SGTB: variants seen among roughly 807,000 people sequenced by gnomAD.
The protein encoded by SGTB is small glutamine-rich tetratricopeptide repeat-containing protein beta.
Under a neutral mutation model 43.9 loss-of-function variants are expected in SGTB, and 19 were observed. The observed-to-expected ratio is 0.43, with a 90% CI of 0.30 to 0.63. The LOEUF is 0.63. Among genes scored for constraint, SGTB ranks in the 30% least tolerant of loss-of-function variants. The pLI, the probability that SGTB is intolerant of heterozygous loss-of-function variation, is 0.12. For synonymous variants in SGTB, 116 were observed against 117.3 expected (o/e 0.99, Z 0.07); for missense variants, 304 against 358.9 (o/e 0.85, Z 1.24).
At chr5:65,672,453 A>T (rs1307814424) in intron 8 of SGTB, among the ~76,000 whole-genome samples, 172 bp from the exon 9 acceptor site, 3 of 152,198 alleles carry the variant, frequency 2.0e-5, no homozygotes, top group Non-Finnish European at 2.9e-5. Flanking sequence ...AGGTACTAGA[A>T]AAAGTGGCAT....
Position 65,713,061 on chromosome 5 carries a change from G to A in SGTB, c.104C>T (p.Ala35Val). The A allele has an allele frequency of 6.2e-7, 1 of 1,601,328 alleles. No homozygotes were observed. Among genetic ancestry groups the A allele is most frequent in the African/African-American group, 1.3e-5 (1 of 74,316 alleles). ...AAAAACTGTCTCCAAGCACTGAATT[G>A]CAACTTGAAATAAATTTTAATAGTA... is the stretch of plus-strand genomic sequence containing the variant. ...TSDEQESLEVAIQCLETVFKI... is the reference protein window; with the variant it reads ...TSDEQESLEVVIQCLETVFKI... The change falls in exon 3 of 11, where the codon GCA becomes GTA. Residue 35 changes from alanine to valine, a missense_variant. Ala to Val is a moderately conservative substitution (Grantham distance 64, BLOSUM62 0). Transcript: ENST00000381007.
At chr5:65,712,740 A>G (rs1302636345) in intron 3 of SGTB, among the ~76,000 whole-genome samples, 1 of 152,248 alleles carries the variant, frequency 6.6e-6, no homozygotes, top group Non-Finnish European at 1.5e-5. Flanking sequence ...ACCATTAAAT[A>G]TAAAAGGTGA....
chr5:65,707,431 CACACAT>C (rs1241849002), intron 4 of SGTB, among the ~76,000 whole-genome samples: 31 of 147,536 alleles, frequency 2.1e-4, no homozygotes, highest in Admixed American at 1.4e-3. Context: ...CACACACACA[CACACAT>C]ATATTTTTTT....
At chr5:65,697,130 A>T (rs1579871238) in intron 5 of SGTB, among the ~76,000 whole-genome samples, 1 of 152,200 alleles carries the variant, frequency 6.6e-6, no homozygotes, top group Admixed American at 6.5e-5. Context: ...ATTTATAGCT[A>T]CTAGAGTCTC....
At chr5:65,670,465 A>T in intron 10 of SGTB, 108 bp from the exon 11 acceptor site, 1 of 817,030 alleles carries the variant, frequency 1.2e-6, no homozygotes, top group Non-Finnish European at 2.0e-6. Context: ...GCTTTTTTCT[A>T]TAAAAACAAG....
chr5:65,720,105 T>G (rs1758232454), intron 2 of SGTB, among the ~76,000 whole-genome samples: 2 of 145,592 alleles, frequency 1.4e-5, no homozygotes, highest in Admixed American at 1.4e-4. Context: ...TTTTTTGAGA[T>G]AGGGTCTCGC....
At chr5:65,673,036 G>A (rs1757188652) in intron 8 of SGTB, among the ~76,000 whole-genome samples, 1 of 152,206 alleles carries the variant, frequency 6.6e-6, no homozygotes, top group South Asian at 2.1e-4. Context: ...AACATGAAAT[G>A]CTGTGTTTTG....
At chr5:65,707,424 AC>A (rs1190755824) in intron 4 of SGTB, among the ~76,000 whole-genome samples, 1 of 149,322 alleles carries the variant, frequency 6.7e-6, no homozygotes, top group Non-Finnish European at 1.5e-5. Flanking sequence ...ACACACACAC[AC>A]ACACACACAC....
intron 2 of SGTB, among the ~76,000 whole-genome samples, chr5:65,718,619 T>C (rs1250191209): frequency 6.6e-6 from 1 of 152,234 alleles, no homozygotes; most frequent in Admixed American, 6.5e-5. Flanking sequence ...TTCACAGTAG[T>C]GGTAAAGCTG....
At chr5:65,678,273 A>T (rs1757320897) in intron 8 of SGTB, among the ~76,000 whole-genome samples, 1 of 152,240 alleles carries the variant, frequency 6.6e-6, no homozygotes, top group Non-Finnish European at 1.5e-5. Flanking sequence ...TAAAATATCT[A>T]GAAATACAGC....
chr5:65,706,366 T>C (rs1757933553), intron 4 of SGTB, among the ~76,000 whole-genome samples: 1 of 152,224 alleles, frequency 6.6e-6, no homozygotes, highest in African/African-American at 2.4e-5. Context: ...GCTCTTTGTC[T>C]TGATGGCATT....
intron 5 of SGTB, among the ~76,000 whole-genome samples, chr5:65,688,844 C>G (rs1049534968): frequency 1.3e-5 from 2 of 152,154 alleles, no homozygotes; most frequent in Non-Finnish European, 2.9e-5. Context: ...GAGTCTTGCT[C>G]TGTCGCCCAG....
rs756718194 is a variant in SGTB, at chr5:65,680,826, A to C, written c.480-32T>G. ...GGAATAGAATATAAGAATATCAGAT[A>C]TATGATTAAAGAACATCAGGACATC... On this transcript the variant is annotated intron_variant, in intron 6 of 10. Transcript: ENST00000381007. 7 of 1,598,942 alleles carry C rather than the reference A, an allele frequency of 4.4e-6. No individual in the cohort carries two copies. The African/African-American group carries it at 9.4e-5, about 22-fold the overall frequency.
intron 2 of SGTB, among the ~76,000 whole-genome samples, chr5:65,716,805 C>T (rs1758160784): frequency 6.6e-6 from 1 of 151,606 alleles, no homozygotes; most frequent in Non-Finnish European, 1.5e-5. Flanking sequence ...GGGCTGAGGG[C>T]ATAAATTTGG....
At chr5:65,692,876 A>G (rs895787350) in intron 5 of SGTB, among the ~76,000 whole-genome samples, 5 of 152,126 alleles carry the variant, frequency 3.3e-5, no homozygotes, top group African/African-American at 1.2e-4. Flanking sequence ...GTATATAGGC[A>G]TATACACACC....
In SGTB at chr5:65,685,483, G is replaced by GA. The variant is rs775730881; in HGVS notation, c.375-12dup. ...CTCTGAGCAGCAGCCCTAAGAGAAAGAAAACAGAATTTTATTAAAGGCAGT... is the reference window on the plus strand; with the variant it reads ...CTCTGAGCAGCAGCCCTAAGAGAAAGAAAAACAGAATTTTATTAAAGGCAGT... On this transcript the variant is annotated splice_polypyrimidine_tract_variant and intron_variant, in intron 5 of 10. Coordinates refer to ENST00000381007, the MANE Select transcript of SGTB (RefSeq NM_019072.3). 6.2e-7 allele frequency: 1 copy of GA among 1,611,918 alleles called. No homozygotes were observed. The highest frequency in any genetic ancestry group is 8.5e-7 in the Non-Finnish European group (1 of 1,178,950).
chr5:65,680,495 A>T lies in SGTB; in HGVS notation c.680T>A (p.Met227Lys). Residue 227 changes from methionine to lysine, a missense_variant and splice_region_variant, in exon 8 of 11, where the codon ATG (methionine) becomes AAG (lysine). Met to Lys is a moderately conservative substitution (Grantham distance 95). Transcript: ENST00000381007. ...AGGCAGAAAAGAAAGTATACTCACC[A>T]TACTAATGAAGGCTGGATTATTTAT... ...SLINNPAFISMAASLMQNPQV... is the reference protein window; with the variant it reads ...SLINNPAFISKAASLMQNPQV... 1 of 1,614,118 alleles carries T rather than the reference A, an allele frequency of 6.2e-7. No homozygotes were observed. The highest frequency in any genetic ancestry group is 8.5e-7 in the Non-Finnish European group (1 of 1,180,008).
At chr5:65,676,972 A>G (rs188957993) in intron 8 of SGTB, among the ~76,000 whole-genome samples, 1 of 151,518 alleles carries the variant, frequency 6.6e-6, no homozygotes, top group East Asian at 2.0e-4. Context: ...AATAACCAAG[A>G]TCAGAGCTGA....
intron 2 of SGTB, among the ~76,000 whole-genome samples, chr5:65,717,807 G>A (rs563612104): frequency 1.3e-5 from 2 of 152,306 alleles, no homozygotes; most frequent in African/African-American, 4.8e-5. Context: ...AGTGGGACTA[G>A]TCAGCAAAGT....
Sources: gnomAD v4.1 joint callset for allele counts (sites outside exome capture counted in the v4.1 genomes callset) on GRCh38, gnomAD v4.1.1 for gene constraint, MANE v1.5 for transcripts, NCBI Gene and HGNC (gene_info 2026-07-23, HGNC 2026-07-21) for gene names.